Variants in PDCD6IP observed in about 807,000 individuals in gnomAD.
PDCD6IP encodes programmed cell death 6 interacting protein, also known as programmed cell death 6-interacting protein.
Under a neutral mutation model 103.7 loss-of-function variants are expected in PDCD6IP, and 43 were observed. That is an observed-to-expected ratio of 0.41 (90% CI 0.32 to 0.53). The LOEUF (loss-of-function observed/expected upper bound fraction) is 0.53, where lower values mean the gene tolerates loss of function less well. PDCD6IP is among the 20% of genes least tolerant of loss of function. PDCD6IP has a pLI of 0.16. For synonymous variants in PDCD6IP, 354 were observed against 378.7 expected (o/e 0.93, Z 0.76); for missense variants, 871 against 1,036.7 (o/e 0.84, Z 2.20).
chr3:33,864,987 C>T (rs1233151773), intron 16 of PDCD6IP, among the ~76,000 whole-genome samples: 1 of 152,060 alleles, frequency 6.6e-6, no homozygotes, highest in Admixed American at 6.5e-5. Flanking sequence ...CCTCAAATGT[C>T]CAACCACTGG....
Position 33,855,185 on chromosome 3 carries a change from A to C in PDCD6IP, c.2045A>C (p.Glu682Ala). Residue 682 changes from glutamate to alanine, a missense_variant, in exon 15 of 18, where the codon GAA (glutamate) becomes GCA (alanine). Around this residue, in one of 5 missense-constraint regions of PDCD6IP, gnomAD observed 266 missense variants for 390.5 expected, o/e 0.68. Transcript: ENST00000307296. ...TTATAGTTTTACAATGAGTTGACTGAAATCCTGGTCAGGTTCCAGAACAAA... is the reference window on the plus strand; with the variant it reads ...TTATAGTTTTACAATGAGTTGACTGCAATCCTGGTCAGGTTCCAGAACAAA... ...EGTKFYNELT[E>A]ILVRFQNKCS... is the part of the protein sequence containing the mutation. 1 of 1,609,294 alleles carries C rather than the reference A, an allele frequency of 6.2e-7. No individual in the cohort carries two copies. Among genetic ancestry groups the C allele is most frequent in the East Asian group, 2.2e-5 (1 of 44,758 alleles).
intron 16 of PDCD6IP, 102 bp from the exon 17 acceptor site, chr3:33,865,138 TTGG>T (rs1300010318): frequency 3.0e-6 from 2 of 668,070 alleles, no homozygotes; most frequent in Non-Finnish European, 2.4e-6. Context: ...AAAAATATAT[TTGG>T]TTGGATTCTA....
chr3:33,865,777 C>A (rs999501907), intron 17 of PDCD6IP, among the ~76,000 whole-genome samples: 1 of 152,074 alleles, frequency 6.6e-6, no homozygotes, highest in African/African-American at 2.4e-5. Flanking sequence ...TTGTTTACGT[C>A]CCTATACTTA....
At chr3:33,856,589 T>G in intron 15 of PDCD6IP, among the ~76,000 whole-genome samples, 1 of 152,158 alleles carries the variant, frequency 6.6e-6, no homozygotes, top group Non-Finnish European at 1.5e-5. Flanking sequence ...TTAATGATAC[T>G]CAAGAACATT....
intron 15 of PDCD6IP, among the ~76,000 whole-genome samples, chr3:33,861,981 G>T (rs1463798749): frequency 6.6e-6 from 1 of 151,782 alleles, no homozygotes; most frequent in Admixed American, 6.6e-5. Context: ...ATATCTTTTT[G>T]CTCTTTTACA....
At chr3:33,863,775 C>A in intron 15 of PDCD6IP, 1 of 505,152 alleles carries the variant, frequency 2.0e-6, no homozygotes. Context: ...GATATATACC[C>A]AGCAGTGGGA....
At chr3:33,818,559 G>T (rs1207589232) in intron 3 of PDCD6IP, among the ~76,000 whole-genome samples, 1 of 124,210 alleles carries the variant, frequency 8.1e-6, no homozygotes, top group African/African-American at 3.2e-5. Flanking sequence ...TCACTCTGAC[G>T]CTAGGCTGGA....
At chr3:33,836,023 T>G in intron 7 of PDCD6IP, 21 bp from the exon 8 acceptor site, 1 of 1,298,834 alleles carries the variant, frequency 7.7e-7, no homozygotes, top group East Asian at 2.3e-5. Context: ...TTTTTTTTGT[T>G]GTTGACGTTT....
At chr3:33,850,257 G>A (rs1416835948) in intron 12 of PDCD6IP, among the ~76,000 whole-genome samples, 1 of 152,252 alleles carries the variant, frequency 6.6e-6, no homozygotes, top group East Asian at 1.9e-4. Flanking sequence ...AGTATAGTCA[G>A]AGTTGAAGTG....
At chr3:33,811,677 GGC>G in intron 1 of PDCD6IP, among the ~76,000 whole-genome samples, 1 of 152,266 alleles carries the variant, frequency 6.6e-6, no homozygotes, top group South Asian at 2.1e-4. Flanking sequence ...GATAGAGATG[GGC>G]TTACCCAAAA....
intron 4 of PDCD6IP, among the ~76,000 whole-genome samples, chr3:33,823,374 G>A (rs1309800563): frequency 1.3e-5 from 2 of 152,172 alleles, no homozygotes; most frequent in East Asian, 1.9e-4. Context: ...AAAATATACC[G>A]TAAGCAAACA....
intron 4 of PDCD6IP, among the ~76,000 whole-genome samples, chr3:33,823,385 A>G (rs551306528): frequency 6.6e-6 from 1 of 152,344 alleles, no homozygotes; most frequent in East Asian, 1.9e-4. Flanking sequence ...TAAGCAAACA[A>G]CACGCTCCAA....
At chr3:33,852,436 G>C in intron 12 of PDCD6IP, 52 bp from the exon 13 acceptor site, 6 of 682,924 alleles carry the variant, frequency 8.8e-6, no homozygotes, top group Non-Finnish European at 1.3e-5. Context: ...CTCGAAATTG[G>C]CTTTTTTTTT....
intron 11 of PDCD6IP, 47 bp downstream of exon 11, chr3:33,844,270 C>T (rs201905791): frequency 6.1e-5 from 65 of 1,063,790 alleles, no homozygotes; most frequent in Admixed American, 5.7e-5. Context: ...TTCCCAATTT[C>T]GACCCACGTT....
At chr3:33,836,755 A>T (rs1697358480) in intron 8 of PDCD6IP, among the ~76,000 whole-genome samples, 1 of 151,102 alleles carries the variant, frequency 6.6e-6, no homozygotes, top group African/African-American at 2.4e-5. Flanking sequence ...GCTACTCTGG[A>T]GGCTGAGGTG....
chr3:33,799,169 C>T (rs781487233), intron 1 of PDCD6IP: 26 of 561,086 alleles, frequency 4.6e-5, no homozygotes, highest in Non-Finnish European at 8.3e-5. Flanking sequence ...CCTTGGTCGG[C>T]GAGGGCTCCG....
chr3:33,806,583 G>T (rs907791875), intron 1 of PDCD6IP, among the ~76,000 whole-genome samples: 1 of 152,122 alleles, frequency 6.6e-6, no homozygotes, highest in African/African-American at 2.4e-5. Flanking sequence ...CCAACTCCTG[G>T]CTTAGCATAC....
chr3:33,844,435 T>C (rs770127127), intron 11 of PDCD6IP, among the ~76,000 whole-genome samples: 1 of 152,226 alleles, frequency 6.6e-6, no homozygotes, highest in Non-Finnish European at 1.5e-5. Context: ...AAAGTTAAAA[T>C]GATCCTCCAA....
At chr3:33,799,143 G>A (rs1575891399) in intron 1 of PDCD6IP, 2 of 597,260 alleles carry the variant, frequency 3.3e-6, no homozygotes, top group African/African-American at 3.7e-5. Context: ...TGTCCTGCCT[G>A]CACGTCTGCT....
Sources: gnomAD v4.1 joint callset for allele counts (sites outside exome capture counted in the v4.1 genomes callset) on GRCh38, gnomAD v4.1.1 for gene constraint, gnomAD v4.1.1 regional missense constraint, MANE v1.5 for transcripts, NCBI Gene and HGNC (gene_info 2026-07-23, HGNC 2026-07-21) for gene names.